OPCML: variants seen among roughly 807,000 people sequenced by gnomAD.
OPCML encodes the protein opioid binding protein/cell adhesion molecule like, also known as opioid-binding protein/cell adhesion molecule.
OPCML carries 13 observed loss-of-function variants against 37.8 expected under a neutral mutation model. The ratio of observed to expected loss-of-function variants is 0.34; its 90% confidence interval spans 0.22 to 0.55. The LOEUF is 0.55. Among genes scored for constraint, OPCML ranks in the 20% least tolerant of loss-of-function variants. The pLI, the probability that OPCML is intolerant of heterozygous loss-of-function variation, is 0.91. For synonymous variants in OPCML, 176 were observed against 168.8 expected (o/e 1.04, Z -0.33); for missense variants, 341 against 435.6 (o/e 0.78, Z 1.93).
intron 3 of OPCML, among the ~76,000 whole-genome samples, chr11:132,628,701 G>A (rs1394332659): frequency 6.6e-6 from 1 of 152,098 alleles, no homozygotes; most frequent in Non-Finnish European, 1.5e-5. Flanking sequence ...ATCTTGAATT[G>A]TAGTTCTCAT....
At chr11:132,818,520 C>T (rs1939763800) in intron 2 of OPCML, among the ~76,000 whole-genome samples, 1 of 151,688 alleles carries the variant, frequency 6.6e-6, no homozygotes, top group Non-Finnish European at 1.5e-5. Context: ...CTGCCGCCCA[C>T]CCTGCAGACT....
chr11:132,480,705 G>A (rs1333854606), intron 4 of OPCML, among the ~76,000 whole-genome samples: 6 of 152,122 alleles, frequency 3.9e-5, no homozygotes, highest in Admixed American at 6.5e-5. Flanking sequence ...AGAGAGTGGG[G>A]ACCAATATTC....
chr11:132,840,778 T>C (rs376475079), intron 2 of OPCML, among the ~76,000 whole-genome samples: 1 of 151,910 alleles, frequency 6.6e-6, no homozygotes, highest in East Asian at 1.9e-4. Context: ...AGGAGAACAG[T>C]AGGAAATAGA....
intron 3 of OPCML, among the ~76,000 whole-genome samples, chr11:132,627,137 AG>A (rs1939796809): frequency 6.6e-6 from 1 of 152,124 alleles, no homozygotes; most frequent in Non-Finnish European, 1.5e-5. Context: ...AAACTTAGGA[AG>A]AGGAGATATA....
At chr11:132,835,773 C>T (rs1055625885) in intron 2 of OPCML, among the ~76,000 whole-genome samples, 8 of 152,136 alleles carry the variant, frequency 5.3e-5, no homozygotes, top group African/African-American at 1.9e-4. Context: ...AACGGCGGTG[C>T]CCTTATGCCT....
intron 2 of OPCML, among the ~76,000 whole-genome samples, chr11:132,767,820 A>C (rs1181744840): frequency 2.6e-5 from 4 of 152,142 alleles, no homozygotes; most frequent in Non-Finnish European, 5.9e-5. Flanking sequence ...GGAAAAAAAA[A>C]ACCCTCCTGC....
intron 1 of OPCML, among the ~76,000 whole-genome samples, chr11:133,467,825 A>T (rs1947011755): frequency 6.6e-6 from 1 of 152,192 alleles, no homozygotes; most frequent in Non-Finnish European, 1.5e-5. Flanking sequence ...CTCCAAATTG[A>T]AAAAAAGACA....
chr11:132,423,955 C>T (rs2095968909), intron 7 of OPCML, among the ~76,000 whole-genome samples: 1 of 152,144 alleles, frequency 6.6e-6, no homozygotes, highest in African/African-American at 2.4e-5. Context: ...AGAGCATGGC[C>T]TCGGCTGGTA....
chr11:132,731,324 C>T (rs1396250007), intron 2 of OPCML, among the ~76,000 whole-genome samples: 1 of 152,180 alleles, frequency 6.6e-6, no homozygotes, highest in African/African-American at 2.4e-5. Flanking sequence ...ATAGACCCTC[C>T]AAATTTCTAG....
chr11:133,502,105 T>C (rs1370417282), intron 1 of OPCML, among the ~76,000 whole-genome samples: 2 of 152,054 alleles, frequency 1.3e-5, no homozygotes, highest in African/African-American at 4.8e-5. Flanking sequence ...AAGTCAGCCT[T>C]TGGCAGAAGC....
At chr11:133,497,621 C>G (rs1446454130) in intron 1 of OPCML, among the ~76,000 whole-genome samples, 2 of 152,082 alleles carry the variant, frequency 1.3e-5, no homozygotes, top group Non-Finnish European at 2.9e-5. Context: ...CAGCATTTCT[C>G]CTTTGGGCCC....
chr11:133,403,442 T>A (rs1354622644), intron 1 of OPCML, among the ~76,000 whole-genome samples: 1 of 152,178 alleles, frequency 6.6e-6, no homozygotes, highest in African/African-American at 2.4e-5. Flanking sequence ...ATACATACCA[T>A]ACCTTGATTT....
chr11:133,430,105 G>T (rs1946087183), intron 1 of OPCML, among the ~76,000 whole-genome samples: 1 of 152,170 alleles, frequency 6.6e-6, no homozygotes, highest in Non-Finnish European at 1.5e-5. Context: ...AACTGTTGCT[G>T]CAAGAGACGG....
At chr11:132,950,006 G>C (rs142885598) in intron 1 of OPCML, among the ~76,000 whole-genome samples, 2 of 152,184 alleles carry the variant, frequency 1.3e-5, no homozygotes, top group Admixed American at 1.3e-4. Context: ...GTGAAGGTTG[G>C]AGCTGAGCAA....
At chr11:132,526,720 G>C (rs533054647) in intron 4 of OPCML, among the ~76,000 whole-genome samples, 1 of 151,820 alleles carries the variant, frequency 6.6e-6, no homozygotes, top group African/African-American at 2.4e-5. Flanking sequence ...TCTACATTTC[G>C]GTATATTTAT....
chr11:133,328,074 G>C (rs1488959126), intron 1 of OPCML, among the ~76,000 whole-genome samples: 1 of 152,008 alleles, frequency 6.6e-6, no homozygotes, highest in African/African-American at 2.4e-5. Context: ...CTGAAAACTA[G>C]CTAGGTGACC....
intron 1 of OPCML, among the ~76,000 whole-genome samples, chr11:133,476,408 A>G (rs1198619506): frequency 6.7e-6 from 1 of 150,190 alleles, no homozygotes; most frequent in Non-Finnish European, 1.5e-5. Context: ...TTTTTTTCTG[A>G]TCCAAAATGA....
intron 1 of OPCML, among the ~76,000 whole-genome samples, chr11:133,501,855 G>A (rs1370776465): frequency 1.3e-5 from 2 of 151,882 alleles, no homozygotes; most frequent in South Asian, 2.1e-4. Context: ...CCTCACTTCT[G>A]CCCCTCCCTC....
chr11:132,452,839 C>T (rs991350720), intron 4 of OPCML, among the ~76,000 whole-genome samples: 1 of 152,148 alleles, frequency 6.6e-6, no homozygotes, highest in East Asian at 1.9e-4. Context: ...AGACGGGCAG[C>T]CCCAACAAAT....
Sources: gnomAD v4.1 joint callset for allele counts (sites outside exome capture counted in the v4.1 genomes callset) on GRCh38, gnomAD v4.1.1 for gene constraint, MANE v1.5 for transcripts, NCBI Gene and HGNC (gene_info 2026-07-23, HGNC 2026-07-21) for gene names.